The following LRRN1 variants were observed in gnomAD, a reference collection of about 807,000 sequenced individuals.
LRRN1 encodes the protein leucine-rich repeat neuronal protein 1.
In LRRN1, 14 loss-of-function variants were observed where a neutral mutation model predicts 45.8. The ratio of observed to expected loss-of-function variants is 0.31; its 90% CI spans 0.20 to 0.48. The LOEUF is 0.48. Ranked by LOEUF, LRRN1 falls within the 20% of genes least tolerant of loss-of-function variation. The pLI is 0.99. For missense variants in LRRN1, 789 were observed against 874.2 expected (o/e 0.90, Z 1.23); for synonymous variants, 359 against 330.1 (o/e 1.09, Z -0.95).
chr3:3,844,448 G>A lies in LRRN1; in HGVS notation c.-194G>A. On this transcript the variant is annotated 5_prime_UTR_variant, in exon 2 of 2. Transcript: ENST00000319331. Reference sequence around the variant, plus strand: ...CTGGAATTGAGAGACACAGTTAAAAGACTCCAAGTTGCTTTCTGCCTTTTG... The same window carrying A: ...CTGGAATTGAGAGACACAGTTAAAAAACTCCAAGTTGCTTTCTGCCTTTTG... The A allele has an allele frequency of 1.8e-6, 1 of 556,506 alleles. No homozygotes were observed. Among genetic ancestry groups the A allele is most frequent in the East Asian group, 2.9e-5 (1 of 34,350 alleles). 34.5% of individuals were successfully genotyped at this position (556,506 alleles called of 1,614,324 possible). A position where few individuals can be genotyped will look rare whatever the true frequency, so the allele number is the denominator to read the frequency against.
At chr3:3,805,348 T>C (rs909741129) in intron 1 of LRRN1, among the ~76,000 whole-genome samples, 3 of 152,214 alleles carry the variant, frequency 2.0e-5, no homozygotes, top group Non-Finnish European at 2.9e-5. Context: ...TTAACCTGCA[T>C]TGTTATTTCA....
At chr3:3,828,927 C>T (rs1456675020) in intron 1 of LRRN1, among the ~76,000 whole-genome samples, 1 of 151,902 alleles carries the variant, frequency 6.6e-6, no homozygotes. Flanking sequence ...CCTTCTTGTA[C>T]TACCCATTCT....
At chr3:3,814,236 C>T (rs1202100116) in intron 1 of LRRN1, among the ~76,000 whole-genome samples, 1 of 148,032 alleles carries the variant, frequency 6.8e-6, no homozygotes, top group Non-Finnish European at 1.5e-5. Context: ...ATTCATCTTT[C>T]GGAATTATAG....
In LRRN1 at chr3:3,840,770, G is replaced by C. The variant is rs577356490; in HGVS notation, c.-278-3594G>C. On this transcript the variant is annotated intron_variant, in intron 1 of 1. Transcript: ENST00000319331. ...CTGAGTTTCCATGGTTGATTGGTTGGTTAGTTGCTTGAAAAAGGTATGTGT... is the reference window on the plus strand; with the variant it reads ...CTGAGTTTCCATGGTTGATTGGTTGCTTAGTTGCTTGAAAAAGGTATGTGT... Among the ~76,000 whole-genome samples the C allele has an allele frequency of 2.6e-4, 39 of 152,224 alleles. No homozygotes were observed. In the South Asian group the frequency reaches 4.6e-3, roughly 18 times the overall value.
chr3:3,818,508 G>GA (rs1455882704), intron 1 of LRRN1, among the ~76,000 whole-genome samples: 7 of 151,792 alleles, frequency 4.6e-5, no homozygotes, highest in South Asian at 2.1e-4. Context: ...TTCTTAAAAA[G>GA]AAAAAAACAA....
intron 1 of LRRN1, among the ~76,000 whole-genome samples, chr3:3,801,509 C>G (rs1443433018): frequency 6.6e-6 from 1 of 152,130 alleles, no homozygotes; most frequent in East Asian, 1.9e-4. Flanking sequence ...GTTATTGGCT[C>G]CAGGGCCATA....
intron 1 of LRRN1, among the ~76,000 whole-genome samples, chr3:3,809,941 G>C (rs1038887289): frequency 6.6e-6 from 1 of 152,180 alleles, no homozygotes; most frequent in Non-Finnish European, 1.5e-5. Flanking sequence ...TCTGAGGCAA[G>C]TGGAGAGATT....
intron 1 of LRRN1, among the ~76,000 whole-genome samples, chr3:3,841,940 T>C (rs1057331494): frequency 4.8e-4 from 73 of 152,304 alleles, no homozygotes; most frequent in African/African-American, 1.7e-3. Context: ...GAGAAATGTG[T>C]CATTAGGTGA....
intron 1 of LRRN1, among the ~76,000 whole-genome samples, chr3:3,802,921 G>A (rs1226167279): frequency 2.0e-5 from 3 of 152,154 alleles, no homozygotes; most frequent in South Asian, 2.1e-4. Context: ...CTGTGTAATC[G>A]TTATTCTGCA....
At chr3:3,831,401 C>G (rs568112244) in intron 1 of LRRN1, among the ~76,000 whole-genome samples, 2 of 152,258 alleles carry the variant, frequency 1.3e-5, no homozygotes, top group Non-Finnish European at 2.9e-5. Context: ...AAATGTCTCA[C>G]CAATAAGTCC....
chr3:3,840,613 T>A (rs1028479373), intron 1 of LRRN1, among the ~76,000 whole-genome samples: 14 of 152,166 alleles, frequency 9.2e-5, no homozygotes, highest in Admixed American at 3.3e-4. Flanking sequence ...CCTTTTTTAT[T>A]AAGGATGTTT....
chr3:3,819,130 G>T (rs1693049681), intron 1 of LRRN1, among the ~76,000 whole-genome samples: 1 of 151,998 alleles, frequency 6.6e-6, no homozygotes, highest in Non-Finnish European at 1.5e-5. Context: ...TAGGACTATA[G>T]GCACACACCG....
At chr3:3,800,085 T>A (rs1168247828) in intron 1 of LRRN1, among the ~76,000 whole-genome samples, 166 bp downstream of exon 1, 1 of 132,326 alleles carries the variant, frequency 7.6e-6, no homozygotes, top group Non-Finnish European at 1.6e-5. Context: ...CTGGGGAAAA[T>A]GACGAAGTCG....
At chr3:3,819,690 C>A (rs887458080) in intron 1 of LRRN1, among the ~76,000 whole-genome samples, 1 of 152,142 alleles carries the variant, frequency 6.6e-6, no homozygotes, top group Non-Finnish European at 1.5e-5. Context: ...CTCATCTAAA[C>A]GAATTGTATC....
In LRRN1 at chr3:3,849,319, T is replaced by A. The variant is rs920284084; in HGVS notation, c.*2527T>A. Among the ~76,000 whole-genome samples the A allele has an allele frequency of 1.3e-5, 2 of 152,202 alleles. No individual in the cohort carries two copies. The highest frequency in any genetic ancestry group is 2.4e-5 in the African/African-American group (1 of 41,462). ...CAACAATATCTTCTGCCAGCCCAGT[T>A]TGGGGGGAAAAACCCCTTTTACATT... On this transcript the variant is annotated 3_prime_UTR_variant, in exon 2 of 2. Coordinates refer to ENST00000319331, the MANE Select transcript of LRRN1 (RefSeq NM_020873.7).
intron 1 of LRRN1, among the ~76,000 whole-genome samples, chr3:3,842,282 A>C (rs1693668047): frequency 6.6e-6 from 1 of 151,900 alleles, no homozygotes; most frequent in African/African-American, 2.4e-5. Context: ...GATGGGGAGG[A>C]GGGAGAAGAA....
intron 1 of LRRN1, among the ~76,000 whole-genome samples, chr3:3,813,347 T>C (rs1190735764): frequency 6.6e-6 from 1 of 152,234 alleles, no homozygotes; most frequent in Non-Finnish European, 1.5e-5. Context: ...ATTTCAACAC[T>C]GAGTTAGCAT....
chr3:3,803,882 G>A (rs1357585447), intron 1 of LRRN1, among the ~76,000 whole-genome samples: 1 of 152,144 alleles, frequency 6.6e-6, no homozygotes, highest in Non-Finnish European at 1.5e-5. Flanking sequence ...TTACAGATCT[G>A]TTACAGAATG....
At chr3:3,823,653 C>T (rs1337830555) in intron 1 of LRRN1, among the ~76,000 whole-genome samples, 1 of 152,042 alleles carries the variant, frequency 6.6e-6, no homozygotes, top group Non-Finnish European at 1.5e-5. Flanking sequence ...ATAACTATGC[C>T]CATCAAAAAG....
Sources: gnomAD v4.1 joint callset for allele counts (sites outside exome capture counted in the v4.1 genomes callset) on GRCh38, gnomAD v4.1.1 for gene constraint, MANE v1.5 for transcripts, NCBI Gene and HGNC (gene_info 2026-07-23, HGNC 2026-07-21) for gene names.